LRRC18: variants seen among roughly 807,000 people sequenced by gnomAD.
LRRC18 encodes the protein leucine rich repeat containing 18, also known as leucine-rich repeat-containing protein 18.
LRRC18 carries 12 observed loss-of-function variants against 11.2 expected under a neutral mutation model. That is an observed-to-expected ratio of 1.07 (90% CI 0.69 to 1.74). The LOEUF (loss-of-function observed/expected upper bound fraction) is 1.74. Ranked by LOEUF, LRRC18 falls within the 40% of genes most tolerant of loss-of-function variation. The pLI is 0.00. For missense variants in LRRC18, 374 were observed against 330.5 expected (o/e 1.13, Z -1.02); for synonymous variants, 155 against 130.6 (o/e 1.19, Z -1.27).
At chr10:48,939,594 A>G in the LRRC18 span, among the ~76,000 whole-genome samples, 3 of 152,272 alleles carry the variant, frequency 2.0e-5, no homozygotes, top group Non-Finnish European at 4.4e-5. Context: ...ATAATGATGG[A>G]TGATGGATGA....
chr10:48,926,842 A>C, the LRRC18 span, among the ~76,000 whole-genome samples: 1 of 152,186 alleles, frequency 6.6e-6, no homozygotes, highest in East Asian at 1.9e-4. Context: ...CTTCATAGGC[A>C]TGTGTCCCCA....
At chr10:48,913,732 C>A (rs1464426958) in exon 1 of LRRC18, 2 of 1,612,930 alleles carry the variant, frequency 1.2e-6, no homozygotes, top group East Asian at 2.2e-5. Context: ...TCCTTCAGGG[C>A]CCCCAGTGTG....
chr10:48,914,359 A>C, upstream of LRRC18: 1 of 585,334 alleles, frequency 1.7e-6, no homozygotes, highest in East Asian at 2.9e-5. Flanking sequence ...AAGTCAGGGC[A>C]AAGTGGACCC....
At chr10:48,915,734 A>T (rs751953941), upstream of LRRC18, among the ~76,000 whole-genome samples, 23 of 152,194 alleles carry the variant, frequency 1.5e-4, no homozygotes, top group Non-Finnish European at 5.9e-5. Context: ...CTACCCTGCG[A>T]AAGGCCTGAT....
chr10:48,927,908 A>G, the LRRC18 span, among the ~76,000 whole-genome samples: 54 of 152,334 alleles, frequency 3.5e-4, no homozygotes, highest in Middle Eastern at 3.4e-3. Context: ...AAATATTAAG[A>G]TGATTAGTTT....
At chr10:48,928,234 T>A in the LRRC18 span, among the ~76,000 whole-genome samples, 8 of 152,170 alleles carry the variant, frequency 5.3e-5, no homozygotes, top group Non-Finnish European at 8.8e-5. Context: ...CCCATGACCC[T>A]GGATGGTCTC....
At chr10:48,926,491 C>G in the LRRC18 span, among the ~76,000 whole-genome samples, 1 of 152,200 alleles carries the variant, frequency 6.6e-6, no homozygotes, top group African/African-American at 2.4e-5. Context: ...GACAGAGAGG[C>G]AGCCTTAGCC....
At chr10:48,919,350 C>A in the LRRC18 span, among the ~76,000 whole-genome samples, 1 of 152,048 alleles carries the variant, frequency 6.6e-6, no homozygotes, top group African/African-American at 2.4e-5. Flanking sequence ...GGAATGAAAA[C>A]CCAAATAGAC....
chr10:48,919,524 C>A, the LRRC18 span, among the ~76,000 whole-genome samples: 1 of 152,202 alleles, frequency 6.6e-6, no homozygotes, highest in Non-Finnish European at 1.5e-5. Flanking sequence ...GGCTTGTAAG[C>A]AACATAAATT....
At chr10:48,932,251 AGTCACCAGACTGCACC>A in the LRRC18 span, among the ~76,000 whole-genome samples, 1 of 152,168 alleles carries the variant, frequency 6.6e-6, no homozygotes, top group Non-Finnish European at 1.5e-5. Context: ...ATGCTGGTGG[AGTCACCAGACTGCACC>A]GTCTCCATCA....
the LRRC18 span, among the ~76,000 whole-genome samples, chr10:48,929,416 G>A: frequency 6.6e-6 from 1 of 152,178 alleles, no homozygotes; most frequent in Admixed American, 6.5e-5. Flanking sequence ...CCATACTCCA[G>A]GCCAGTGAGT....
At chr10:48,910,527 T>C (rs769400161) in intron 1 of LRRC18, among the ~76,000 whole-genome samples, 12 of 152,226 alleles carry the variant, frequency 7.9e-5, no homozygotes, top group Non-Finnish European at 5.9e-5. Flanking sequence ...ACCTTTTCCT[T>C]GGCAGAAAAA....
the LRRC18 span, among the ~76,000 whole-genome samples, chr10:48,925,026 C>CTTTGGGA: frequency 6.6e-6 from 1 of 152,204 alleles, no homozygotes; most frequent in African/African-American, 2.4e-5. Context: ...CATTTCACAG[C>CTTTGGGA]CAGTATTTGG....
the LRRC18 span, among the ~76,000 whole-genome samples, chr10:48,924,186 T>G: frequency 1.3e-5 from 2 of 152,184 alleles, no homozygotes; most frequent in Non-Finnish European, 2.9e-5. Context: ...TGGGGCACAG[T>G]GAACTTCCAC....
the LRRC18 span, among the ~76,000 whole-genome samples, chr10:48,936,455 G>A: frequency 1.3e-5 from 2 of 151,860 alleles, no homozygotes; most frequent in Non-Finnish European, 2.9e-5. Flanking sequence ...AAATCATAAA[G>A]CACATAAAAA....
the LRRC18 span, among the ~76,000 whole-genome samples, chr10:48,934,113 C>T: frequency 6.6e-6 from 1 of 152,206 alleles, no homozygotes; most frequent in Non-Finnish European, 1.5e-5. Context: ...CCCTGTCCTC[C>T]TAGACGTGTG....
chr10:48,922,539 A>G, the LRRC18 span, among the ~76,000 whole-genome samples: 1 of 152,248 alleles, frequency 6.6e-6, no homozygotes, highest in African/African-American at 2.4e-5. Context: ...GTTCTATTTT[A>G]TGATGAATTG....
At chr10:48,937,704 G>T in the LRRC18 span, among the ~76,000 whole-genome samples, 2 of 152,236 alleles carry the variant, frequency 1.3e-5, no homozygotes, top group South Asian at 4.1e-4. Context: ...AATGAAAAGC[G>T]ATAGGTAGTT....
At chr10:48,910,471 A>G (rs1481716583) in intron 1 of LRRC18, among the ~76,000 whole-genome samples, 1 of 152,236 alleles carries the variant, frequency 6.6e-6, no homozygotes, top group Non-Finnish European at 1.5e-5. Context: ...TCCAAGGAGT[A>G]AAGGTGACTG....
Sources: allele counts gnomAD v4.1 joint callset (sites outside exome capture counted in the v4.1 genomes callset), GRCh38; gene constraint gnomAD v4.1.1; transcripts MANE v1.5; gene names NCBI Gene and HGNC (gene_info 2026-07-23, HGNC 2026-07-21).